The following BCR variants were observed in gnomAD, a reference collection of about 807,000 sequenced individuals.
BCR encodes BCR activator of RhoGEF and GTPase.
In BCR, 58 loss-of-function variants were observed where a neutral mutation model predicts 138.6. The observed-to-expected ratio is 0.42, with a 90% CI of 0.34 to 0.52. BCR has a LOEUF of 0.52. BCR is among the 20% of genes least tolerant of loss of function. BCR has a pLI of 0.06. For synonymous variants in BCR, 786 were observed against 730.1 expected (o/e 1.08, Z -1.23); for missense variants, 1,599 against 1,727.2 (o/e 0.93, Z 1.32).
intron 2 of BCR, chr22:23,254,464 T>TGC: frequency 1.9e-6 from 1 of 518,298 alleles, no homozygotes; most frequent in Non-Finnish European, 3.9e-6. Flanking sequence ...TTTACAAAGG[T>TGC]GAAACTGAAG....
intron 8 of BCR, among the ~76,000 whole-genome samples, chr22:23,282,244 C>G (rs140930407): frequency 1.3e-5 from 2 of 152,362 alleles, no homozygotes; most frequent in African/African-American, 4.8e-5. Flanking sequence ...AGCGCTCCAG[C>G]TCTACATGAT....
chr22:23,237,712 G>A (rs937062860), intron 1 of BCR, among the ~76,000 whole-genome samples: 9 of 152,238 alleles, frequency 5.9e-5, no homozygotes, highest in African/African-American at 2.2e-4. Context: ...TGAGACGGGC[G>A]GCGTGAAGGC....
intron 16 of BCR, among the ~76,000 whole-genome samples, chr22:23,299,928 T>TTCA (rs2073886183): frequency 6.6e-6 from 1 of 152,154 alleles, no homozygotes; most frequent in South Asian, 2.1e-4. Context: ...GTTCAGAGTT[T>TTCA]GGACTCCCAC....
At chr22:23,220,454 T>G (rs2072811619) in intron 1 of BCR, among the ~76,000 whole-genome samples, 1 of 152,122 alleles carries the variant, frequency 6.6e-6, no homozygotes, top group Admixed American at 6.5e-5. Context: ...GGAGCAGCAT[T>G]TGCTTCCAGG....
At chr22:23,290,750 G>A (rs2073776783) in intron 14 of BCR, 1 of 331,712 alleles carries the variant, frequency 3.0e-6, no homozygotes, top group South Asian at 3.3e-5. Context: ...CAAGCCAGGA[G>A]GGCTGTCAGC....
intron 5 of BCR, among the ~76,000 whole-genome samples, chr22:23,269,583 C>G (rs1245228744): frequency 6.6e-6 from 1 of 152,202 alleles, no homozygotes; most frequent in Non-Finnish European, 1.5e-5. Context: ...GGTGACAGTA[C>G]CTGCCGCTCT....
At chr22:23,272,683 G>A (rs2073523065) in intron 6 of BCR, among the ~76,000 whole-genome samples, 1 of 152,142 alleles carries the variant, frequency 6.6e-6, no homozygotes, top group Non-Finnish European at 1.5e-5. Context: ...GGGATCGATG[G>A]TAAGAGCAGC....
chr22:23,206,637 T>C (rs1224703483), intron 1 of BCR, among the ~76,000 whole-genome samples: 1 of 151,820 alleles, frequency 6.6e-6, no homozygotes, highest in Non-Finnish European at 1.5e-5. Flanking sequence ...CAAAAAACCC[T>C]TCCACATTGA....
intron 1 of BCR, among the ~76,000 whole-genome samples, chr22:23,214,863 C>T (rs1180975250): frequency 2.6e-5 from 4 of 152,164 alleles, no homozygotes; most frequent in Non-Finnish European, 5.9e-5. Flanking sequence ...TTTAAGCATA[C>T]GATCGATGCA....
intron 2 of BCR, among the ~76,000 whole-genome samples, chr22:23,256,006 C>T (rs566097127): frequency 1.5e-3 from 226 of 152,336 alleles, no homozygotes; most frequent in Non-Finnish European, 2.7e-3. Context: ...GGCCCCAGGA[C>T]GGGTACCCTT....
chr22:23,264,110 G>A lies in BCR; in HGVS notation c.1752+2570G>A, dbSNP rs575905920. ...GCACCAGTGTCCGGAAATGTGTCAT[G>A]GAGTGGGAGGAGCCCCACAACAGCA... On this transcript the variant is annotated intron_variant, in intron 4 of 22. Transcript: ENST00000305877. 2.4e-5 allele frequency: 37 copies of A among 1,515,228 alleles called. No individual in the cohort carries two copies. The East Asian group carries it at 2.9e-4, about 12-fold the overall frequency. 93.9% of individuals were successfully genotyped at this position (1,515,228 alleles called of 1,614,324 possible). A position where few individuals can be genotyped will look rare whatever the true frequency, so the allele number is the denominator to read the frequency against.
intron 1 of BCR, among the ~76,000 whole-genome samples, chr22:23,241,846 C>G (rs1051761815): frequency 1.3e-5 from 2 of 152,132 alleles, no homozygotes; most frequent in Admixed American, 6.5e-5. Context: ...CCTCTAGGCT[C>G]CCCTCTTGTT....
At position 23,238,791 on chromosome 22, in the gene BCR, C is replaced by A. The variant is rs555327059; in HGVS notation, c.1280-15008C>A. Among the ~76,000 whole-genome samples the A allele has an allele frequency of 6.0e-5, 9 of 150,960 alleles. No homozygotes were observed. The South Asian group carries it at 1.2e-3, about 21-fold the overall frequency. On this transcript the variant is annotated intron_variant, in intron 1 of 22. Coordinates refer to ENST00000305877, the MANE Select transcript of BCR (RefSeq NM_004327.4). ...TGGGAATTACAGACTACCCCCAGGA[C>A]TGACCCAGAGCTATACCCCTCCAGG...
intron 1 of BCR, chr22:23,242,777 A>G (rs2073108349): frequency 2.3e-6 from 1 of 435,778 alleles, no homozygotes; most frequent in African/African-American, 2.0e-5. Flanking sequence ...GAATGCCACA[A>G]GCTTAGTGGC....
chr22:23,250,663 C>G lies in BCR; in HGVS notation c.1280-3136C>G, dbSNP rs115724938. Among the ~76,000 whole-genome samples the G allele has an allele frequency of 2.3e-3, 347 of 152,226 alleles. 3 individuals are homozygous for G. Among genetic ancestry groups the G allele is most frequent in the African/African-American group, 8.0e-3 (331 of 41,530 alleles). On this transcript the variant is annotated intron_variant, in intron 1 of 22. Coordinates refer to ENST00000305877, the MANE Select transcript of BCR (RefSeq NM_004327.4). ...GTTAAAGGAGGCCAAGGGGATGGCA[C>G]GGCCTTCATCTAATAGTGACAGTAG...
rs376547307 is a variant in BCR, at chr22:23,234,779, G to A, written c.1280-19020G>A. Among the ~76,000 whole-genome samples, 67 of 144,490 alleles carry A rather than the reference G, an allele frequency of 4.6e-4. 5 individuals are homozygous for A. The highest frequency in any genetic ancestry group is 1.6e-3 in the African/African-American group (67 of 41,008). The allele number at this position is 144,490 out of a possible 152,430, so 94.8% of individuals were successfully genotyped here. On this transcript the variant is annotated intron_variant, in intron 1 of 22. Transcript: ENST00000305877. ...GCCATGAGCTCCAGACTCCCCAGTC[G>A]TGGGCCCTGATGCGGGGGTGTGTGT...
rs2072222170 is a variant in BCR, at chr22:23,180,518, G to C, written c.-443G>C. ...CTCCCCTTCCTGCGGCGCAGAGTGC[G>C]GGCCGGGCGGGAGTGCGGCGAGAGC... is the stretch of plus-strand genomic sequence containing the variant. On this transcript the variant is annotated 5_prime_UTR_variant, in exon 1 of 23. Transcript: ENST00000305877. The C allele has an allele frequency of 5.7e-6, 1 of 176,122 alleles. No homozygotes were observed. Among genetic ancestry groups the C allele is most frequent in the African/African-American group, 2.4e-5 (1 of 41,824 alleles). The allele number at this position is 176,122 out of a possible 1,614,324, so 10.9% of individuals were successfully genotyped here.
chr22:23,261,021 G>A lies in BCR; in HGVS notation c.1533G>A (p.Glu511=), dbSNP rs2146274920. 1 of 1,613,906 alleles carries A rather than the reference G, an allele frequency of 6.2e-7. No homozygotes were observed. The highest frequency in any genetic ancestry group is 8.5e-7 in the Non-Finnish European group (1 of 1,180,014). ...WVLSGILASE[E]TYLSHLEALL... is the part of the protein sequence containing the mutation. ...TGTCGGGAATCCTGGCTAGCGAGGA[G>A]ACTTACCTGAGCCACCTGGAGGCAC... The change falls in exon 3 of 23, where the codon GAG becomes GAA. Residue 511 remains glutamate, a synonymous_variant. Coordinates refer to ENST00000305877, the MANE Select transcript of BCR (RefSeq NM_004327.4).
At chr22:23,280,753 A>C (rs186541074) in intron 8 of BCR, among the ~76,000 whole-genome samples, 1 of 152,110 alleles carries the variant, frequency 6.6e-6, no homozygotes, top group Admixed American at 6.5e-5. Flanking sequence ...TTAGTTATTC[A>C]AGAAGACAGG....
Sources: allele counts gnomAD v4.1 joint callset (sites outside exome capture counted in the v4.1 genomes callset), GRCh38; gene constraint gnomAD v4.1.1; transcripts MANE v1.5; gene names NCBI Gene and HGNC (gene_info 2026-07-23, HGNC 2026-07-21).